BCL7C: variants seen among roughly 807,000 people sequenced by gnomAD.
The protein encoded by BCL7C is BAF chromatin remodeling complex subunit BCL7C.
BCL7C carries 8 observed loss-of-function variants against 26.2 expected under a neutral mutation model. That is an observed-to-expected ratio of 0.30 (90% CI 0.18 to 0.55). BCL7C has a LOEUF of 0.55. BCL7C is among the 20% of genes least tolerant of loss of function. The pLI is 0.93. For missense variants in BCL7C, 262 were observed against 298.5 expected, an observed-to-expected ratio of 0.88 and a Z score of 0.90; for synonymous variants, 90 against 116.5, an observed-to-expected ratio of 0.77 and a Z score of 1.47.
intron 5 of BCL7C, among the ~76,000 whole-genome samples, chr16:30,839,078 G>T (rs1241643616): frequency 6.6e-6 from 1 of 152,208 alleles, no homozygotes; most frequent in Non-Finnish European, 1.5e-5. Context: ...CTGGAGGTGG[G>T]TGCCATTCAC....
chr16:30,861,564 C>G, intron 5 of BCL7C, among the ~76,000 whole-genome samples: 1 of 152,188 alleles, frequency 6.6e-6, no homozygotes, highest in East Asian at 1.9e-4. Flanking sequence ...TGCCAGAGAC[C>G]CTGCAACTCT....
At chr16:30,853,550 T>C (rs895809141) in intron 5 of BCL7C, among the ~76,000 whole-genome samples, 1 of 152,124 alleles carries the variant, frequency 6.6e-6, no homozygotes, top group African/African-American at 2.4e-5. Flanking sequence ...TTCTTTCTTT[T>C]ATTTTAATCA....
At chr16:30,841,430 C>A (rs1052524762) in intron 5 of BCL7C, among the ~76,000 whole-genome samples, 1 of 152,174 alleles carries the variant, frequency 6.6e-6, no homozygotes, top group Non-Finnish European at 1.5e-5. Context: ...ATTATGAATG[C>A]AGGATGTAAG....
chr16:30,861,866 T>A (rs2054776563), intron 5 of BCL7C, among the ~76,000 whole-genome samples: 1 of 142,842 alleles, frequency 7.0e-6, no homozygotes, highest in Non-Finnish European at 1.5e-5. Context: ...GCTTTTTTTT[T>A]TTTTTTTTTT....
intron 5 of BCL7C, among the ~76,000 whole-genome samples, chr16:30,879,647 TC>T (rs904067936): frequency 1.1e-4 from 13 of 118,896 alleles, no homozygotes; most frequent in Non-Finnish European, 1.9e-4. Flanking sequence ...GGCCAGGAGT[TC>T]CAGACCAGCC....
intron 5 of BCL7C, among the ~76,000 whole-genome samples, chr16:30,865,458 T>G (rs1172511028): frequency 6.6e-6 from 1 of 151,538 alleles, no homozygotes; most frequent in Non-Finnish European, 1.5e-5. Flanking sequence ...TGCCTTTGTA[T>G]TCCCAGCTAC....
intron 5 of BCL7C, among the ~76,000 whole-genome samples, chr16:30,876,765 T>C (rs2054956314): frequency 6.6e-6 from 1 of 152,150 alleles, no homozygotes; most frequent in Non-Finnish European, 1.5e-5. Context: ...GCTAACAGCC[T>C]GGCCAGCTTC....
chr16:30,864,452 C>A (rs2054806234), intron 5 of BCL7C, among the ~76,000 whole-genome samples: 1 of 152,092 alleles, frequency 6.6e-6, no homozygotes, highest in African/African-American at 2.4e-5. Flanking sequence ...GACAAATGCT[C>A]CTTCTAACAA....
chr16:30,866,626 C>T (rs1052650589), intron 5 of BCL7C, among the ~76,000 whole-genome samples: 1 of 147,544 alleles, frequency 6.8e-6, no homozygotes, highest in African/African-American at 2.5e-5. Context: ...CTTGATGAAA[C>T]CCACCAAAGT....
At chr16:30,865,172 CAAAAAAAAAAA>C (rs529882511) in intron 5 of BCL7C, among the ~76,000 whole-genome samples, 1 of 40,836 alleles carries the variant, frequency 2.4e-5, no homozygotes, top group African/African-American at 9.3e-5. Flanking sequence ...ACCTCCAACT[CAAAAAAAAAAA>C]AAAAAAAAAA....
At chr16:30,873,913 TTCC>T (rs2054905267) in intron 5 of BCL7C, among the ~76,000 whole-genome samples, 1 of 142,974 alleles carries the variant, frequency 7.0e-6, no homozygotes, top group South Asian at 2.3e-4. Flanking sequence ...TATATAATTT[TTCC>T]TCCTCTCTCT....
chr16:30,873,940 TATAG>T (rs1391759220), intron 5 of BCL7C, among the ~76,000 whole-genome samples: 1 of 82,412 alleles, frequency 1.2e-5, no homozygotes, highest in African/African-American at 4.7e-5. Flanking sequence ...TACATATATA[TATAG>T]ATATATGTAT....
At chr16:30,880,675 G>T (rs2055029763) in intron 5 of BCL7C, among the ~76,000 whole-genome samples, 1 of 152,052 alleles carries the variant, frequency 6.6e-6, no homozygotes, top group Non-Finnish European at 1.5e-5. Flanking sequence ...GCAGATGTAT[G>T]CATTTGTTTT....
chr16:30,866,570 G>C (rs2054831272), intron 5 of BCL7C, among the ~76,000 whole-genome samples: 3 of 130,930 alleles, frequency 2.3e-5, no homozygotes, highest in African/African-American at 8.6e-5. Context: ...TAGCGAGACT[G>C]TCTGGAAAAA....
intron 5 of BCL7C, among the ~76,000 whole-genome samples, chr16:30,857,600 A>C (rs1474986869): frequency 6.6e-6 from 1 of 152,132 alleles, no homozygotes; most frequent in African/African-American, 2.4e-5. Flanking sequence ...AAGGGAGAGA[A>C]GAATGGGAGC....
At chr16:30,851,846 G>A (rs977799419) in intron 5 of BCL7C, 14 of 258,380 alleles carry the variant, frequency 5.4e-5, no homozygotes, top group Non-Finnish European at 8.4e-5. Flanking sequence ...ATATAAAATC[G>A]ACTTTTTGTC....
chr16:30,877,370 G>A (rs566676783), intron 5 of BCL7C, among the ~76,000 whole-genome samples: 133 of 152,154 alleles, frequency 8.7e-4, no homozygotes, highest in Non-Finnish European at 1.2e-3. Context: ...CTAGGCTCAA[G>A]CAGTCCTCCT....
At chr16:30,845,026 T>C (rs1003337980) in intron 5 of BCL7C, among the ~76,000 whole-genome samples, 3 of 152,098 alleles carry the variant, frequency 2.0e-5, no homozygotes, top group Admixed American at 6.6e-5. Context: ...GAGTGAAAAG[T>C]CCTTGGGAGG....
chr16:30,888,727 G>T (rs2055176290), intron 5 of BCL7C, 133 bp downstream of exon 5: 2 of 743,886 alleles, frequency 2.7e-6, no homozygotes, highest in Non-Finnish European at 4.4e-6. Context: ...CAAGAACCCA[G>T]CCCCTAAGCC....
Sources: gnomAD v4.1 joint callset for allele counts (sites outside exome capture counted in the v4.1 genomes callset) on GRCh38, gnomAD v4.1.1 for gene constraint, MANE v1.5 for transcripts, NCBI Gene and HGNC (gene_info 2026-07-23, HGNC 2026-07-21) for gene names.